The following DIPK1A variants were observed in gnomAD, a reference collection of about 807,000 sequenced individuals.
The protein encoded by DIPK1A is family with sequence similarity 69 member A.
A neutral mutation model predicts 40.8 loss-of-function variants in DIPK1A; 27 were observed. That is an observed-to-expected ratio of 0.66 (90% confidence interval 0.49 to 0.91). The LOEUF is 0.91. DIPK1A is among the 40% of genes least tolerant of loss of function. The probability of loss-of-function intolerance (pLI) is 0.00; values close to 1 mark genes in which losing one functional copy is unlikely to be tolerated. For missense variants in DIPK1A, 412 were observed against 505.7 expected (o/e 0.81, Z 1.78); for synonymous variants, 166 against 171.3 (o/e 0.97, Z 0.24).
At chr1:92,930,882 T>G (rs1158216236) in intron 1 of DIPK1A, 1 of 152,228 alleles carries the variant, frequency 6.6e-6, no homozygotes, top group African/African-American at 2.4e-5. Context: ...AAGACTAAGA[T>G]GGTCCCTTCC....
chr1:92,852,500 CA>C (rs200875220), intron 2 of DIPK1A, among the ~76,000 whole-genome samples: 1 of 146,716 alleles, frequency 6.8e-6, no homozygotes, highest in Non-Finnish European at 1.5e-5. Context: ...ATCTCCGTCT[CA>C]AAAAAAAAGA....
intron 1 of DIPK1A, among the ~76,000 whole-genome samples, chr1:92,896,392 C>G (rs1162452458): frequency 2.0e-5 from 3 of 152,032 alleles, no homozygotes; most frequent in Non-Finnish European, 4.4e-5. Context: ...CTGACAAAAA[C>G]AAGAAATGGG....
intron 1 of DIPK1A, among the ~76,000 whole-genome samples, chr1:92,906,074 T>C (rs1443540833): frequency 6.6e-6 from 1 of 152,210 alleles, no homozygotes. Context: ...TTAGTTTTGT[T>C]CTTTTTGCTC....
chr1:92,867,650 C>T (rs573391703), intron 2 of DIPK1A, among the ~76,000 whole-genome samples: 79 of 152,130 alleles, frequency 5.2e-4, no homozygotes, highest in Non-Finnish European at 9.0e-4. Context: ...GGATTATAGG[C>T]GTGCACTGGC....
chr1:92,903,597 A>G (rs758584297), intron 1 of DIPK1A, among the ~76,000 whole-genome samples: 3 of 152,220 alleles, frequency 2.0e-5, no homozygotes, highest in Non-Finnish European at 4.4e-5. Flanking sequence ...GCAGAATTTC[A>G]GGAATTTATC....
chr1:92,879,608 T>C (rs1003773565), intron 1 of DIPK1A, among the ~76,000 whole-genome samples: 8 of 152,158 alleles, frequency 5.3e-5, no homozygotes, highest in African/African-American at 1.9e-4. Context: ...AGCATGCCAT[T>C]GAGAATTGCT....
intron 1 of DIPK1A, chr1:92,877,265 T>C (rs908892802): frequency 5.3e-6 from 2 of 376,096 alleles, no homozygotes; most frequent in African/African-American, 4.4e-5. Context: ...ATCAAGACTA[T>C]TTGACATTTA....
At chr1:92,920,659 C>G (rs570721185) in intron 1 of DIPK1A, among the ~76,000 whole-genome samples, 1 of 152,296 alleles carries the variant, frequency 6.6e-6, no homozygotes, top group African/African-American at 2.4e-5. Flanking sequence ...GATGTTTTAA[C>G]ATGGTTGATT....
intron 2 of DIPK1A, among the ~76,000 whole-genome samples, chr1:92,855,410 A>G (rs1463132933): frequency 1.3e-5 from 2 of 152,066 alleles, no homozygotes; most frequent in Non-Finnish European, 2.9e-5. Context: ...AACAAAAAAA[A>G]CCCAACAGAC....
chr1:92,858,377 C>T (rs1688057887), intron 2 of DIPK1A, among the ~76,000 whole-genome samples: 1 of 152,122 alleles, frequency 6.6e-6, no homozygotes, highest in African/African-American at 2.4e-5. Context: ...AAGTTATCTT[C>T]CCTTGTGGAA....
In DIPK1A at chr1:92,961,421, C is replaced by G. The variant is rs765623268; in HGVS notation, c.9G>C (p.Arg3Ser). MA[R>S]SLCPGAWLRK... ...TTAGCCAGGCCCCCGGACAGAGACT[C>G]CTCGCCATGGTAATCACACATCGCC... Residue 3 changes from arginine to serine, a missense_variant, in exon 1 of 5, where the codon AGG becomes AGC. Transcript: ENST00000370310. 3.3e-6 allele frequency: 5 copies of G among 1,521,138 alleles called. No individual in the cohort carries two copies. The highest frequency in any genetic ancestry group is 1.2e-5 in the South Asian group (1 of 83,862). The allele number at this position is 1,521,138 out of a possible 1,614,324, so 94.2% of individuals were successfully genotyped here. A position where few individuals can be genotyped will look rare whatever the true frequency, so the allele number is the denominator to read the frequency against.
rs553081344 is a variant in DIPK1A at position 92,843,098 on chromosome 1, A to T, written c.*285T>A. On this transcript the variant is annotated 3_prime_UTR_variant, in exon 5 of 5. Transcript: ENST00000370310. The stretch of plus-strand genomic sequence containing the variant: ...ATCACTCACTGTTGATGTTTATGGA[A>T]TGAAGCTTTTCACAGCATTGGTTTT... The T allele has an allele frequency of 7.0e-5, 77 of 1,092,214 alleles. 2 individuals carry two copies. The South Asian group carries it at 2.4e-3, about 34-fold the overall frequency. 67.7% of individuals were successfully genotyped at this position (1,092,214 alleles called of 1,614,324 possible).
At position 92,842,226 on chromosome 1, in the gene DIPK1A, A is replaced by C; in HGVS notation, c.*1157T>G. ...GAATGGGAAAAGTACCTTAAAGTAA[A>C]CAAAACTGGTGCTAATCCATGGCGT... is the stretch of plus-strand genomic sequence containing the variant. On this transcript the variant is annotated 3_prime_UTR_variant, in exon 5 of 5. Transcript: ENST00000370310. 1 of 996,546 alleles carries C rather than the reference A, an allele frequency of 1.0e-6. No homozygotes were observed. The highest frequency in any genetic ancestry group is 1.7e-5 in the African/African-American group (1 of 57,586). 61.7% of individuals were successfully genotyped at this position (996,546 alleles called of 1,614,324 possible).
intron 1 of DIPK1A, among the ~76,000 whole-genome samples, chr1:92,885,295 A>G (rs1050834395): frequency 1.3e-5 from 2 of 152,184 alleles, no homozygotes; most frequent in African/African-American, 4.8e-5. Context: ...GTACTCTGAC[A>G]TAGATTTCCA....
At chr1:92,833,701 A>C in intron 4 of DIPK1A, 2 of 1,519,844 alleles carry the variant, frequency 1.3e-6, no homozygotes, top group Non-Finnish European at 1.8e-6. Flanking sequence ...TTATTGCTAG[A>C]GAAATTGTGC....
rs752893229 is a variant in DIPK1A at position 92,832,973 on chromosome 1, A to G, written c.*47T>C. 4.7e-5 allele frequency: 34 copies of G among 726,650 alleles called. No individual in the cohort carries two copies. The East Asian group carries it at 7.6e-4, about 16-fold the overall frequency. The allele number at this position is 726,650 out of a possible 1,614,324, so 45.0% of individuals were successfully genotyped here. On this transcript the variant is annotated 3_prime_UTR_variant, in exon 5 of 5. Coordinates refer to the DIPK1A transcript ENST00000615519. ...TGTTCCGAACAAACCGACGTTTGGC[A>G]TCACTGATTGCTGTCTGGAGCAGTG...
chr1:92,905,656 G>A (rs1649593612), intron 1 of DIPK1A, among the ~76,000 whole-genome samples: 1 of 152,010 alleles, frequency 6.6e-6, no homozygotes. Flanking sequence ...TTTTCACTTT[G>A]GTTGCCTGTA....
chr1:92,891,543 C>T (rs1334681076), intron 1 of DIPK1A, among the ~76,000 whole-genome samples: 9 of 151,998 alleles, frequency 5.9e-5, no homozygotes, highest in Non-Finnish European at 1.5e-5. Flanking sequence ...CCAAGATGGC[C>T]GAATAGGAAC....
chr1:92,936,296 G>A (rs1295843758), intron 1 of DIPK1A, among the ~76,000 whole-genome samples: 1 of 152,068 alleles, frequency 6.6e-6, no homozygotes, highest in Non-Finnish European at 1.5e-5. Context: ...GAAAACCTAA[G>A]TATAGTTTTT....
Sources: allele counts gnomAD v4.1 joint callset (sites outside exome capture counted in the v4.1 genomes callset), GRCh38; gene constraint gnomAD v4.1.1; transcripts MANE v1.5; gene names NCBI Gene and HGNC (gene_info 2026-07-23, HGNC 2026-07-21).